Variants in MANBA observed in about 807,000 individuals in gnomAD.
MANBA encodes the protein mannosidase beta.
A neutral mutation model predicts 111.1 loss-of-function variants in MANBA; 83 were observed. The observed-to-expected ratio is 0.75, with a 90% CI of 0.63 to 0.90. The LOEUF is 0.90. MANBA is among the 40% of genes least tolerant of loss of function. MANBA has a pLI of 0.00. For missense variants in MANBA, 1,036 were observed against 1,069.0 expected (o/e 0.97, Z 0.43); for synonymous variants, 370 against 378.7 (o/e 0.98, Z 0.27).
chr4:102,723,948 A>G lies in MANBA; in HGVS notation c.292T>C (p.Leu98=), dbSNP rs375409866. The G allele has an allele frequency of 1.2e-6, 2 of 1,609,330 alleles. No homozygotes were observed. Among genetic ancestry groups the G allele is most frequent in the Middle Eastern group, 1.6e-4 (1 of 6,074 alleles). ...ACCGTATCCACTCCCTCAAGAATCA[A>G]ATTTACTTTTTGCCATTTGCTAAAA... ...FEISKWQKVN[L]ILEGVDTVSK... is the part of the protein sequence containing the mutation. Residue 98 remains leucine (L), a synonymous_variant, in exon 3 of 17, where the codon TTG becomes CTG. Transcript: ENST00000647097.
At chr4:102,704,552 CT>C (rs33966905) in intron 5 of MANBA, among the ~76,000 whole-genome samples, 5,134 of 152,006 alleles carry the variant, frequency 0.034, 149 homozygotes, top group African/African-American at 0.079. Context: ...TTATATGTAC[CT>C]TTTTTTATTA....
At chr4:102,755,594 T>C (rs891787632) in intron 1 of MANBA, among the ~76,000 whole-genome samples, 9 of 152,128 alleles carry the variant, frequency 5.9e-5, no homozygotes, top group Non-Finnish European at 1.3e-4. Flanking sequence ...CCAAAAGCAA[T>C]GGCAACAAAA....
At position 102,657,463 on chromosome 4, in the gene MANBA, T is replaced by C. The variant is rs546703161; in HGVS notation, c.1704+219A>G. ...AAGTCAGGCTTAAGCAACCACTGGG[T>C]CCCATTCAGTGCTTTCGGTGCTCCT... On this transcript the variant is annotated intron_variant, in intron 12 of 16. Transcript: ENST00000647097. Among the ~76,000 whole-genome samples, 8 of 152,238 alleles carry C rather than the reference T, an allele frequency of 5.3e-5. No individual in the cohort carries two copies. In the South Asian group the frequency reaches 1.7e-3, roughly 32 times the overall value.
At chr4:102,689,807 T>C in intron 6 of MANBA, 123 bp from the exon 7 acceptor site, 1 of 679,584 alleles carries the variant, frequency 1.5e-6, no homozygotes, top group Non-Finnish European at 2.7e-6. Context: ...AATGTAAGTC[T>C]CCCCACCTAT....
chr4:102,760,953 G>T lies in MANBA; in HGVS notation c.-59C>A. The T allele has an allele frequency of 2.7e-6, 4 of 1,488,072 alleles. No homozygotes were observed. The East Asian group carries it at 7.4e-5, about 27-fold the overall frequency. The allele number at this position is 1,488,072 out of a possible 1,614,324, so 92.2% of individuals were successfully genotyped here. On this transcript the variant is annotated 5_prime_UTR_variant, in exon 1 of 17. Coordinates refer to ENST00000647097, the MANE Select transcript of MANBA (RefSeq NM_005908.4). ...TCGAAAGGCAGCGCTGCAAGGGACC[G>T]GCGGTGAAGCCACTCACCCCCTCGG...
At position 102,719,211 on chromosome 4, in the gene MANBA, T is replaced by C. The variant is rs1722468791; in HGVS notation, c.549+3660A>G. Reference sequence around the variant, plus strand: ...CTACAGACCTACCCCCAGGAATGCATTCCTTCCCCAGGGTTACTCCTTGCT... The same window carrying C: ...CTACAGACCTACCCCCAGGAATGCACTCCTTCCCCAGGGTTACTCCTTGCT... On this transcript the variant is annotated intron_variant, in intron 4 of 16. Coordinates refer to ENST00000647097, the MANE Select transcript of MANBA (RefSeq NM_005908.4). 1.3e-5 allele frequency among the ~76,000 whole-genome samples: 2 copies of C among 152,122 alleles called. 1 individual carries two copies. The highest frequency in any genetic ancestry group is 4.1e-4 in the South Asian group (2 of 4,836).
At chr4:102,698,044 G>A (rs1181437072) in intron 5 of MANBA, among the ~76,000 whole-genome samples, 1 of 151,720 alleles carries the variant, frequency 6.6e-6, no homozygotes, top group Non-Finnish European at 1.5e-5. Flanking sequence ...TTTAATGATT[G>A]CCATTCTAAC....
intron 15 of MANBA, 47 bp downstream of exon 15, chr4:102,635,818 C>A (rs766599421): frequency 1.3e-6 from 2 of 1,556,496 alleles, no homozygotes; most frequent in South Asian, 2.2e-5. Flanking sequence ...CTAAAGAAAT[C>A]ATCTAAAAGT....
intron 5 of MANBA, among the ~76,000 whole-genome samples, chr4:102,692,988 G>A (rs1449763051): frequency 1.3e-5 from 2 of 152,122 alleles, no homozygotes; most frequent in Non-Finnish European, 2.9e-5. Context: ...TTTATCATTC[G>A]CATCTCCCAT....
intron 5 of MANBA, among the ~76,000 whole-genome samples, chr4:102,692,113 C>G (rs1269688263): frequency 6.6e-6 from 1 of 152,074 alleles, no homozygotes; most frequent in Non-Finnish European, 1.5e-5. Flanking sequence ...AAGAGCATGA[C>G]CAGATCTGCA....
At chr4:102,753,172 T>C (rs78275320) in intron 1 of MANBA, among the ~76,000 whole-genome samples, 2,460 of 152,304 alleles carry the variant, frequency 0.016, 45 homozygotes, top group Non-Finnish European at 0.021. Flanking sequence ...ATTCATGATA[T>C]GTTTTAAATG....
chr4:102,724,301 T>C (rs2110194571), intron 2 of MANBA, among the ~76,000 whole-genome samples: 1 of 152,322 alleles, frequency 6.6e-6, no homozygotes, highest in South Asian at 2.1e-4. Context: ...CTCACGCCTG[T>C]AATCCCAGCA....
chr4:102,647,981 T>C (rs1255634930), intron 13 of MANBA, among the ~76,000 whole-genome samples: 1 of 152,130 alleles, frequency 6.6e-6, no homozygotes, highest in Non-Finnish European at 1.5e-5. Context: ...ATTTCCTGTC[T>C]ACTTCAGATC....
At chr4:102,750,573 C>G (rs1442246836) in intron 1 of MANBA, among the ~76,000 whole-genome samples, 1 of 152,142 alleles carries the variant, frequency 6.6e-6, no homozygotes, top group African/African-American at 2.4e-5. Context: ...AAGACCCATA[C>G]TGAAATGTTT....
intron 4 of MANBA, among the ~76,000 whole-genome samples, chr4:102,722,094 G>A (rs56912699): frequency 0.047 from 7,120 of 151,174 alleles, 506 homozygotes; most frequent in African/African-American, 0.15. Flanking sequence ...CAAGGGGCTG[G>A]GGAGAAGGAA....
chr4:102,662,332 G>A (rs550454852), intron 11 of MANBA, among the ~76,000 whole-genome samples: 1 of 152,198 alleles, frequency 6.6e-6, no homozygotes, highest in Non-Finnish European at 1.5e-5. Flanking sequence ...AGGAGGTCAG[G>A]AGATTGAGAC....
intron 16 of MANBA, 95 bp downstream of exon 16, chr4:102,634,693 A>T (rs914173574): frequency 2.3e-5 from 35 of 1,524,872 alleles, no homozygotes; most frequent in African/African-American, 4.1e-5. Flanking sequence ...ACCAAGGGGG[A>T]CACATGCAAA....
At position 102,631,450 on chromosome 4, in the gene MANBA, A is replaced by T. The variant is rs1729370013; in HGVS notation, c.*607T>A. The stretch of plus-strand genomic sequence containing the variant: ...CCAGCACAGTATTGGGCAAAATTGA[A>T]TATTTATAGAACGGTTAAATAAGCC... On this transcript the variant is annotated 3_prime_UTR_variant, in exon 17 of 17. Transcript: ENST00000647097. The T allele has an allele frequency of 3.6e-6, 1 of 279,864 alleles. No individual in the cohort carries two copies. Among genetic ancestry groups the T allele is most frequent in the South Asian group, 1.6e-4 (1 of 6,098 alleles). The allele number at this position is 279,864 out of a possible 1,614,324, so 17.3% of individuals were successfully genotyped here.
At chr4:102,730,070 G>A (rs1722973682) in intron 1 of MANBA, 1 of 834,354 alleles carries the variant, frequency 1.2e-6, no homozygotes, top group Non-Finnish European at 1.9e-6. Context: ...AGCCTGAGGA[G>A]CTTATCTGGA....
Sources: gnomAD v4.1 joint callset for allele counts (sites outside exome capture counted in the v4.1 genomes callset) on GRCh38, gnomAD v4.1.1 for gene constraint, MANE v1.5 for transcripts, NCBI Gene and HGNC (gene_info 2026-07-23, HGNC 2026-07-21) for gene names.